PRKN: variants seen among roughly 807,000 people sequenced by gnomAD.
The protein encoded by PRKN is E3 ubiquitin-protein ligase parkin.
Under a neutral mutation model 59.5 loss-of-function variants are expected in PRKN, and 56 were observed. That is an observed-to-expected ratio of 0.94 (90% CI 0.76 to 1.18). The LOEUF is 1.18. Ranked by LOEUF, PRKN falls within the 50% of genes most tolerant of loss-of-function variation. The pLI, the probability that PRKN is intolerant of heterozygous loss-of-function variation, is 0.00. For missense variants in PRKN, 657 were observed against 596.4 expected (o/e 1.10, Z -1.06); for synonymous variants, 250 against 222.1 (o/e 1.13, Z -1.12).
chr6:161,387,450 A>G (rs7738646), intron 9 of PRKN, among the ~76,000 whole-genome samples: 120,298 of 152,212 alleles, frequency 0.79, 47,846 homozygotes, highest in East Asian at 0.94. Flanking sequence ...ACAAATGTGA[A>G]TCAATTGAAC....
chr6:161,912,770 C>T (rs1778412065), intron 6 of PRKN, among the ~76,000 whole-genome samples: 1 of 152,168 alleles, frequency 6.6e-6, no homozygotes, highest in South Asian at 2.1e-4. Flanking sequence ...GTCTCTGAGA[C>T]ACCACATCTC....
intron 1 of PRKN, among the ~76,000 whole-genome samples, chr6:162,561,501 G>C (rs575368005): frequency 1.3e-5 from 2 of 151,978 alleles, no homozygotes; most frequent in Admixed American, 6.6e-5. Context: ...CAAAAATCAG[G>C]TGAGCACTCA....
At chr6:161,536,268 G>A (rs1779409584) in intron 9 of PRKN, among the ~76,000 whole-genome samples, 1 of 152,086 alleles carries the variant, frequency 6.6e-6, no homozygotes, top group African/African-American at 2.4e-5. Flanking sequence ...CAGAGCTGAT[G>A]AACTCAGTAG....
At chr6:162,060,728 G>T (rs1582972977) in intron 4 of PRKN, among the ~76,000 whole-genome samples, 1 of 152,154 alleles carries the variant, frequency 6.6e-6, no homozygotes, top group Non-Finnish European at 1.5e-5. Context: ...CATCATATGT[G>T]AGTATATGCA....
rs1411177275 is a variant in PRKN, at chr6:161,434,261, G to GCC, written c.1084-47385_1084-47384insGG. On this transcript the variant is annotated intron_variant, in intron 9 of 11. Coordinates refer to ENST00000366898, the MANE Select transcript of PRKN (RefSeq NM_004562.3). ...AGATTTTGCCAGTATGCTCTTGGAAGAGTTCAACATTGCCATAGATCATAG... is the reference window on the plus strand; with the variant it reads ...AGATTTTGCCAGTATGCTCTTGGAAGCCAGTTCAACATTGCCATAGATCATAG... Among the ~76,000 whole-genome samples the GCC allele has an allele frequency of 9.7e-4, 147 of 152,264 alleles. 1 individual carries two copies. Among genetic ancestry groups the GCC allele is most frequent in the African/African-American group, 3.4e-3 (141 of 41,538 alleles).
At chr6:162,626,772 C>T (rs921057577) in intron 1 of PRKN, among the ~76,000 whole-genome samples, 9 of 150,734 alleles carry the variant, frequency 6.0e-5, no homozygotes, top group African/African-American at 2.2e-4. Context: ...CAAGATCATG[C>T]CACTGCACTC....
chr6:162,398,136 A>G (rs1787568839), intron 2 of PRKN, among the ~76,000 whole-genome samples: 2 of 152,124 alleles, frequency 1.3e-5, no homozygotes, highest in Admixed American at 1.3e-4. Flanking sequence ...TCTATTTAAC[A>G]CTTGCAACAT....
At chr6:161,613,899 C>A (rs552173303) in intron 7 of PRKN, among the ~76,000 whole-genome samples, 23 of 152,302 alleles carry the variant, frequency 1.5e-4, no homozygotes, top group African/African-American at 5.5e-4. Flanking sequence ...TCTCCTCTGC[C>A]CAGAATCCCA....
At chr6:161,656,781 C>A (rs1177038752) in intron 7 of PRKN, among the ~76,000 whole-genome samples, 1 of 152,288 alleles carries the variant, frequency 6.6e-6, no homozygotes, top group African/African-American at 2.4e-5. Flanking sequence ...AAAATACTCA[C>A]CAGCATCTAA....
intron 9 of PRKN, among the ~76,000 whole-genome samples, chr6:161,516,826 C>CAAAA (rs369136348): frequency 0.32 from 20,343 of 62,734 alleles, 3,524 homozygotes; most frequent in Non-Finnish European, 0.37. Context: ...GACTCAATCT[C>CAAAA]AAAAAAAAAA....
chr6:162,168,556 CAAA>C (rs771060815), intron 4 of PRKN, among the ~76,000 whole-genome samples: 137 of 47,290 alleles, frequency 2.9e-3, no homozygotes, highest in African/African-American at 9.7e-3. Context: ...ATCTGTTTTA[CAAA>C]AAAAAAAAAA....
Position 161,510,485 on chromosome 6 carries a change from C to T in PRKN, c.1083+38369G>A, listed in dbSNP as rs73591665. ...GTTTCCAGTTAATCTGAGACCAACG[C>T]GAAGCCCATTGAAGAAATGCACCCA... On this transcript the variant is annotated intron_variant, in intron 9 of 11. Transcript: ENST00000366898. Among the ~76,000 whole-genome samples, 808 of 152,260 alleles carry T rather than the reference C, an allele frequency of 5.3e-3. 7 individuals carry two copies. The highest frequency in any genetic ancestry group is 0.018 in the African/African-American group (766 of 41,538).
At chr6:162,264,331 ACCT>A (rs1403722572) in intron 2 of PRKN, among the ~76,000 whole-genome samples, 1 of 152,010 alleles carries the variant, frequency 6.6e-6, no homozygotes. Context: ...CCTTTCAAAT[ACCT>A]CTTGCCATTG....
chr6:161,843,969 C>T (rs1481781312), intron 6 of PRKN, among the ~76,000 whole-genome samples: 1 of 152,098 alleles, frequency 6.6e-6, no homozygotes, highest in African/African-American at 2.4e-5. Flanking sequence ...CTGGTCCTCA[C>T]CCTCTCTGTG....
chr6:162,006,855 T>G (rs561076493), intron 5 of PRKN, among the ~76,000 whole-genome samples: 1 of 152,278 alleles, frequency 6.6e-6, no homozygotes. Flanking sequence ...CTTGACATAC[T>G]GCGCCCAATG....
rs1359518704 is a variant in PRKN, at chr6:162,201,170, C to A, written c.495G>T (p.Gln165His). The change falls in exon 4 of 12, where the codon CAG (glutamine) becomes CAT (histidine). Residue 165 changes from glutamine to histidine, a missense_variant. Physicochemically the swap from Gln to His is conservative, Grantham distance 24 (BLOSUM62 0). Transcript: ENST00000366898. ...GCGTTGCCTGCCTGCAGGTGCTGCACTGTACCCTGAGTTTTCCCGGCTGCA... is the reference window on the plus strand; with the variant it reads ...GCGTTGCCTGCCTGCAGGTGCTGCAATGTACCCTGAGTTTTCCCGGCTGCA... ...QRVQPGKLRVQCSTCRQATLT... is the reference protein window; with the variant it reads ...QRVQPGKLRVHCSTCRQATLT... 6.2e-7 allele frequency: 1 copy of A among 1,614,148 alleles called. No individual in the cohort carries two copies. Among genetic ancestry groups the A allele is most frequent in the South Asian group, 1.1e-5 (1 of 91,082 alleles).
At chr6:161,988,752 C>CAA (rs200290708) in intron 5 of PRKN, among the ~76,000 whole-genome samples, 7 of 150,254 alleles carry the variant, frequency 4.7e-5, no homozygotes, top group Admixed American at 1.3e-4. Context: ...AAGCGGAACC[C>CAA]AAAAAAAAAT....
At chr6:162,495,174 T>C (rs752453241) in intron 1 of PRKN, among the ~76,000 whole-genome samples, 1 of 152,214 alleles carries the variant, frequency 6.6e-6, no homozygotes, top group Non-Finnish European at 1.5e-5. Flanking sequence ...CTCTTACTAA[T>C]GAAAAAAGTT....
intron 7 of PRKN, among the ~76,000 whole-genome samples, chr6:161,649,507 C>G (rs1562583002): frequency 6.6e-6 from 1 of 152,140 alleles, no homozygotes; most frequent in East Asian, 1.9e-4. Flanking sequence ...GGCTGACAAG[C>G]ATTTGGGACA....
Sources: allele counts gnomAD v4.1 joint callset (sites outside exome capture counted in the v4.1 genomes callset), GRCh38; gene constraint gnomAD v4.1.1; transcripts MANE v1.5; gene names NCBI Gene and HGNC (gene_info 2026-07-23, HGNC 2026-07-21).